The following WFDC2 variants were observed in gnomAD, a reference collection of about 807,000 sequenced individuals.
WFDC2 encodes WAP four-disulfide core domain 2, also known as WAP four-disulfide core domain protein 2.
A neutral mutation model predicts 12.5 loss-of-function variants in WFDC2; 8 were observed. The observed-to-expected ratio is 0.64, with a 90% CI of 0.37 to 1.15. The LOEUF is 1.15. WFDC2 is among the 50% of genes most tolerant of loss of function. The pLI is 0.01. For synonymous variants in WFDC2, 74 were observed against 67.2 expected (o/e 1.10, Z -0.49); for missense variants, 166 against 159.9 (o/e 1.04, Z -0.21).
At chr20:45,478,865 C>A (rs1396508712) in intron 2 of WFDC2, among the ~76,000 whole-genome samples, 1 of 152,188 alleles carries the variant, frequency 6.6e-6, no homozygotes, top group Non-Finnish European at 1.5e-5. Flanking sequence ...CTGAGCCTCC[C>A]AAAGTGTGGG....
intron 2 of WFDC2, chr20:45,479,601 T>G: frequency 7.2e-7 from 1 of 1,396,832 alleles, no homozygotes; most frequent in Non-Finnish European, 1.0e-6. Context: ...AATATATGTT[T>G]GTTTCCCACT....
At position 45,470,483 on chromosome 20, in the gene WFDC2, C is replaced by T. The variant is rs1991154629; in HGVS notation, c.174C>T (p.Asn58=). 6.9e-6 allele frequency: 11 copies of T among 1,598,556 alleles called. No homozygotes were observed. The highest frequency in any genetic ancestry group is 9.4e-6 in the Non-Finnish European group (11 of 1,172,180). Residue 58 remains asparagine (N), a synonymous_variant, in exon 2 of 4, where the codon AAC becomes AAT. Transcript: ENST00000372676. The surrounding 1 kb of genome is among the most constrained non-coding windows in gnomAD (Gnocchi z 5.4). ...ECVSDSECAD[N]LKCCSAGCAT... is the part of the protein sequence containing the mutation. Reference sequence around the variant, plus strand: ...TCTCGGACAGCGAATGCGCCGACAACCTCAAGTGCTGCAGCGCGGGCTGTG... The same window carrying T: ...TCTCGGACAGCGAATGCGCCGACAATCTCAAGTGCTGCAGCGCGGGCTGTG...
At chr20:45,478,635 T>TC (rs1991262993) in intron 2 of WFDC2, among the ~76,000 whole-genome samples, 1 of 152,102 alleles carries the variant, frequency 6.6e-6, no homozygotes, top group African/African-American at 2.4e-5. Context: ...CTAAATCTTT[T>TC]TTTTTTTTGA....
chr20:45,480,278 T>C (rs771166836), intron 3 of WFDC2, among the ~76,000 whole-genome samples, 184 bp downstream of exon 3: 3 of 151,952 alleles, frequency 2.0e-5, no homozygotes, highest in East Asian at 1.9e-4. Flanking sequence ...ATGAGCTGCA[T>C]TGGGGAGGCT....
intron 2 of WFDC2, among the ~76,000 whole-genome samples, chr20:45,475,124 C>G (rs963579721): frequency 6.6e-6 from 1 of 151,958 alleles, no homozygotes; most frequent in African/African-American, 2.4e-5. Flanking sequence ...TTTCAAAAAC[C>G]CAGCTTGTGA....
At chr20:45,469,975 G>T in intron 1 of WFDC2, 115 bp downstream of exon 1, 1 of 1,330,606 alleles carries the variant, frequency 7.5e-7, no homozygotes, top group South Asian at 1.4e-5. Context: ...TCCGGGGGCG[G>T]AAGTGGCGGG....
intron 3 of WFDC2, among the ~76,000 whole-genome samples, chr20:45,480,799 G>A (rs1255705256): frequency 1.3e-5 from 2 of 152,136 alleles, no homozygotes; most frequent in Admixed American, 6.5e-5. Context: ...GTGCCCGAGA[G>A]GGAACTATGG....
intron 3 of WFDC2, among the ~76,000 whole-genome samples, chr20:45,480,615 C>G (rs1304841220): frequency 6.6e-6 from 1 of 152,178 alleles, no homozygotes; most frequent in African/African-American, 2.4e-5. Context: ...GAAACTCCAT[C>G]TCAAATTAAA....
intron 3 of WFDC2, 119 bp downstream of exon 3, chr20:45,480,213 C>T: frequency 1.4e-6 from 2 of 1,413,402 alleles, no homozygotes; most frequent in Non-Finnish European, 1.9e-6. Flanking sequence ...GAAAGGTATA[C>T]CAGTGGGGTG....
At chr20:45,480,141 G>A (rs914013933) in intron 3 of WFDC2, 47 bp downstream of exon 3, 3 of 1,606,256 alleles carry the variant, frequency 1.9e-6, no homozygotes, top group Non-Finnish European at 2.6e-6. Context: ...AGGTGTTGTG[G>A]GAAACAGGAG....
At chr20:45,479,392 T>C (rs1050247073) in intron 2 of WFDC2, 4 of 499,280 alleles carry the variant, frequency 8.0e-6, no homozygotes, top group Non-Finnish European at 1.4e-5. Context: ...ATTACTTAAC[T>C]TCTCAGTGCC....
At chr20:45,471,097 C>T (rs1991166058) in intron 2 of WFDC2, 1 of 469,676 alleles carries the variant, frequency 2.1e-6, no homozygotes. Context: ...CCCAAGGTCA[C>T]ACCGCCATCC....
rs1235711979 is a variant in WFDC2 at position 45,470,717 on chromosome 20, T to C, written c.223+185T>C. On this transcript the variant is annotated intron_variant, in intron 2 of 3. Coordinates refer to ENST00000372676, the MANE Select transcript of WFDC2 (RefSeq NM_006103.4). This position sits in a 1 kb window ranked among gnomAD's most constrained non-coding sequence, Gnocchi z 5.4. ...GGCCCAGGGGTAGACAAAGGCGTCG[T>C]TGAAACGCAGCCAAGGGGGGGTCCC... is the stretch of plus-strand genomic sequence containing the variant. Among the ~76,000 whole-genome samples, 1 of 152,106 alleles carries C rather than the reference T, an allele frequency of 6.6e-6. No homozygotes were observed. Among genetic ancestry groups the C allele is most frequent in the African/African-American group, 2.4e-5 (1 of 41,446 alleles).
intron 2 of WFDC2, among the ~76,000 whole-genome samples, chr20:45,475,142 GA>G (rs973250201): frequency 1.3e-5 from 2 of 151,966 alleles, no homozygotes; most frequent in Non-Finnish European, 2.9e-5. Flanking sequence ...TGAATTCATT[GA>G]TTTTTTTTGA....
intron 2 of WFDC2, among the ~76,000 whole-genome samples, chr20:45,477,882 C>T (rs1296455513): frequency 2.6e-5 from 4 of 152,240 alleles, no homozygotes; most frequent in African/African-American, 9.6e-5. Context: ...TCTAGAGAGG[C>T]AGTCTGGCTA....
chr20:45,478,229 A>G (rs983527275), intron 2 of WFDC2, among the ~76,000 whole-genome samples: 14 of 152,240 alleles, frequency 9.2e-5, no homozygotes, highest in Admixed American at 9.1e-4. Flanking sequence ...TCCTGCAGCT[A>G]GCTCAGTGTC....
intron 2 of WFDC2, chr20:45,471,294 G>T: frequency 2.4e-6 from 1 of 415,774 alleles, no homozygotes; most frequent in Non-Finnish European, 5.2e-6. Flanking sequence ...GCTTGCTGGA[G>T]CTGCAGTCTC....
At position 45,470,239 on chromosome 20, in the gene WFDC2, T is replaced by G; in HGVS notation, c.80-150T>G. 5 of 1,176,284 alleles carry G rather than the reference T, an allele frequency of 4.3e-6. No homozygotes were observed. The highest frequency in any genetic ancestry group is 5.8e-6 in the Non-Finnish European group (5 of 864,556). 72.9% of individuals were successfully genotyped at this position (1,176,284 alleles called of 1,614,324 possible). The stretch of plus-strand genomic sequence containing the variant: ...ACTCCCAGGGGTCAGGGACTCCTGG[T>G]CTGGAAGAAGGAGTCTCTGGGGGCT... On this transcript the variant is annotated intron_variant, in intron 1 of 3. Transcript: ENST00000372676. The surrounding 1 kb of genome is among the most constrained non-coding windows in gnomAD (Gnocchi z 5.4).
chr20:45,473,964 T>A (rs771704234), intron 2 of WFDC2, among the ~76,000 whole-genome samples: 2 of 152,214 alleles, frequency 1.3e-5, no homozygotes, highest in East Asian at 1.9e-4. Context: ...GGGAATTCAC[T>A]CATGATTTGG....
Sources: gnomAD v4.1 joint callset for allele counts (sites outside exome capture counted in the v4.1 genomes callset) on GRCh38, gnomAD v4.1.1 for gene constraint, Gnocchi (gnomAD v3.1) non-coding constraint, MANE v1.5 for transcripts, NCBI Gene and HGNC (gene_info 2026-07-23, HGNC 2026-07-21) for gene names.